Variants in FGF7 observed in about 807,000 individuals in gnomAD.
FGF7 encodes fibroblast growth factor 7.
FGF7 carries 6 observed loss-of-function variants against 20.5 expected under a neutral mutation model. The observed-to-expected ratio is 0.29, with a 90% CI of 0.16 to 0.58. The LOEUF is 0.58. FGF7 is among the 20% of genes least tolerant of loss of function. FGF7 has a pLI of 0.90. For synonymous variants in FGF7, 64 were observed against 74.7 expected (o/e 0.86, Z 0.74); for missense variants, 144 against 228.8 (o/e 0.63, Z 2.39).
intron 2 of FGF7, among the ~76,000 whole-genome samples, chr15:49,469,733 C>G (rs975683154): frequency 4.6e-5 from 7 of 152,088 alleles, no homozygotes; most frequent in South Asian, 2.1e-4. Context: ...TCTTCATTAT[C>G]AAGACACTGG....
At chr15:49,472,655 C>T (rs921987612) in intron 2 of FGF7, among the ~76,000 whole-genome samples, 2 of 152,110 alleles carry the variant, frequency 1.3e-5, no homozygotes, top group Non-Finnish European at 2.9e-5. Context: ...AAGGAATGAA[C>T]ATCACAATGA....
chr15:49,426,261 C>T (rs1015114722), intron 2 of FGF7, among the ~76,000 whole-genome samples: 1 of 151,686 alleles, frequency 6.6e-6, no homozygotes, highest in Non-Finnish European at 1.5e-5. Context: ...TTTTAAACCG[C>T]AGAATATATT....
At chr15:49,449,965 T>G (rs919432163) in intron 2 of FGF7, among the ~76,000 whole-genome samples, 3 of 152,080 alleles carry the variant, frequency 2.0e-5, no homozygotes, top group Non-Finnish European at 4.4e-5. Context: ...AAAGAAAATG[T>G]CATGCTCAAT....
intron 2 of FGF7, chr15:49,425,496 C>T (rs2050049131): frequency 6.6e-6 from 1 of 151,922 alleles, no homozygotes; most frequent in Non-Finnish European, 1.5e-5. Context: ...ATTTTGTTTA[C>T]ATTACTAGCA....
intron 2 of FGF7, among the ~76,000 whole-genome samples, chr15:49,476,231 G>T (rs56215639): frequency 0.086 from 2,218 of 25,848 alleles, 89 homozygotes; most frequent in East Asian, 0.14. Flanking sequence ...TTTTGTTTTT[G>T]GTTTTTTTTT....
chr15:49,463,547 T>C (rs1178711466), intron 2 of FGF7, among the ~76,000 whole-genome samples: 1 of 96,760 alleles, frequency 1.0e-5, no homozygotes, highest in Non-Finnish European at 2.0e-5. Flanking sequence ...TGAGATTCCG[T>C]CTCAAAAAAA....
intron 2 of FGF7, among the ~76,000 whole-genome samples, chr15:49,449,757 T>G (rs1405867303): frequency 6.6e-6 from 1 of 151,970 alleles, no homozygotes; most frequent in African/African-American, 2.4e-5. Context: ...AGTGCCTTGC[T>G]TTTCTCTTTC....
At chr15:49,437,603 T>G (rs771677611) in intron 2 of FGF7, among the ~76,000 whole-genome samples, 16 of 151,742 alleles carry the variant, frequency 1.1e-4, no homozygotes, top group Non-Finnish European at 2.2e-4. Flanking sequence ...ATTTGTGACC[T>G]GATTAACTTT....
intron 2 of FGF7, among the ~76,000 whole-genome samples, chr15:49,431,815 C>G (rs1269898188): frequency 6.6e-6 from 1 of 151,808 alleles, no homozygotes; most frequent in South Asian, 2.1e-4. Flanking sequence ...TATAGCCCCA[C>G]TAACTTTCTT....
intron 2 of FGF7, among the ~76,000 whole-genome samples, chr15:49,438,915 G>GAT (rs1294464546): frequency 4.6e-5 from 7 of 151,328 alleles, no homozygotes; most frequent in African/African-American, 1.7e-4. Context: ...GAGAGAGAGA[G>GAT]AAAATTAGTT....
At chr15:49,440,792 G>A (rs772479876) in intron 2 of FGF7, among the ~76,000 whole-genome samples, 2 of 151,668 alleles carry the variant, frequency 1.3e-5, no homozygotes, top group Non-Finnish European at 3.0e-5. Flanking sequence ...CTACAGAAAT[G>A]AAAAGCCAAT....
In FGF7 at chr15:49,434,170, G is replaced by A. The variant is rs186668249; in HGVS notation, c.286+9587G>A. 2.7e-4 allele frequency among the ~76,000 whole-genome samples: 41 copies of A among 151,702 alleles called. No homozygotes were observed. The East Asian group carries it at 7.6e-3, about 28-fold the overall frequency. ...AACTGTACTTCTGACCATAGGCCTA[G>A]TTTATCTGGTTCATATTGAGGCAGC... On this transcript the variant is annotated intron_variant, in intron 2 of 3. Transcript: ENST00000267843.
intron 2 of FGF7, among the ~76,000 whole-genome samples, chr15:49,452,819 T>C (rs1195589916): frequency 1.3e-5 from 2 of 152,160 alleles, no homozygotes; most frequent in African/African-American, 4.8e-5. Flanking sequence ...TGCAGGATAA[T>C]ATAAGCACTC....
intron 2 of FGF7, among the ~76,000 whole-genome samples, chr15:49,427,257 G>C (rs2050208544): frequency 6.6e-6 from 1 of 151,994 alleles, no homozygotes. Context: ...ATGGAAACTT[G>C]AAATTATGAC....
At chr15:49,431,770 T>G (rs965613931) in intron 2 of FGF7, among the ~76,000 whole-genome samples, 3 of 151,808 alleles carry the variant, frequency 2.0e-5, no homozygotes, top group African/African-American at 7.2e-5. Flanking sequence ...TTAAATCTTC[T>G]GTAAACTTAA....
At chr15:49,444,888 T>G (rs1015698809) in intron 2 of FGF7, among the ~76,000 whole-genome samples, 5 of 151,694 alleles carry the variant, frequency 3.3e-5, no homozygotes, top group Non-Finnish European at 7.4e-5. Flanking sequence ...TCTTTTTTTG[T>G]TTTTATCACA....
At chr15:49,431,470 G>A (rs1192890596) in intron 2 of FGF7, among the ~76,000 whole-genome samples, 1 of 151,728 alleles carries the variant, frequency 6.6e-6, no homozygotes, top group African/African-American at 2.4e-5. Context: ...TGAGAGAGGA[G>A]AATTATCCAG....
intron 2 of FGF7, among the ~76,000 whole-genome samples, chr15:49,453,133 A>G (rs2151894152): frequency 6.6e-6 from 1 of 152,272 alleles, no homozygotes; most frequent in Admixed American, 6.5e-5. Flanking sequence ...AAGTGGTAGT[A>G]GCATGTTTGG....
chr15:49,474,276 G>A (rs1295747132), intron 2 of FGF7, among the ~76,000 whole-genome samples: 3 of 152,278 alleles, frequency 2.0e-5, no homozygotes, highest in East Asian at 1.9e-4. Context: ...CATACCGTAT[G>A]AGAAAGGGCC....
Sources: gnomAD v4.1 joint callset for allele counts (sites outside exome capture counted in the v4.1 genomes callset) on GRCh38, gnomAD v4.1.1 for gene constraint, MANE v1.5 for transcripts, NCBI Gene and HGNC (gene_info 2026-07-23, HGNC 2026-07-21) for gene names.